CAGE1: variants seen among roughly 807,000 people sequenced by gnomAD.
CAGE1 encodes the protein cancer antigen 1.
In CAGE1, 66 loss-of-function variants were observed where a neutral mutation model predicts 94.9. That is an observed-to-expected ratio of 0.70 (90% confidence interval 0.57 to 0.85). CAGE1 has a LOEUF of 0.85. CAGE1 is among the 40% of genes least tolerant of loss of function. CAGE1 has a pLI of 0.00. For synonymous variants in CAGE1, 319 were observed against 321.0 expected (o/e 0.99, Z 0.07); for missense variants, 865 against 950.4 (o/e 0.91, Z 1.18).
intron 3 of CAGE1, among the ~76,000 whole-genome samples, chr6:7,382,598 G>A (rs2113472069): frequency 6.6e-6 from 1 of 150,402 alleles, no homozygotes. Context: ...ACCGTGCCCA[G>A]CCCTGCATTT....
chr6:7,377,944 C>A (rs1760811171), intron 4 of CAGE1, among the ~76,000 whole-genome samples: 1 of 152,112 alleles, frequency 6.6e-6, no homozygotes, highest in Non-Finnish European at 1.5e-5. Flanking sequence ...AATATTTTCA[C>A]TTTAGTAGAA....
At chr6:7,357,414 C>T (rs1759994465) in intron 9 of CAGE1, among the ~76,000 whole-genome samples, 1 of 152,198 alleles carries the variant, frequency 6.6e-6, no homozygotes, top group African/African-American at 2.4e-5. Context: ...CTTCATGACA[C>T]TTGACTGAAG....
chr6:7,345,725 A>G (rs998911082), intron 11 of CAGE1, among the ~76,000 whole-genome samples: 1 of 151,916 alleles, frequency 6.6e-6, no homozygotes, highest in Admixed American at 6.6e-5. Context: ...CAGGAAATTG[A>G]GACCATCCTG....
Position 7,368,699 on chromosome 6 carries a change from A to G in CAGE1, c.1993T>C (p.Leu665=), listed in dbSNP as rs762237360. Residue 665 remains leucine (L), a synonymous_variant, in exon 7 of 14, where the codon TTA becomes CTA. Transcript: ENST00000502583. ...AATAAATATAATACCTCTTTATCTAAAGTTTTCTTTTTAAGATGGAGGCTC... is the reference window on the plus strand; with the variant it reads ...AATAAATATAATACCTCTTTATCTAGAGTTTTCTTTTTAAGATGGAGGCTC... ...LKSLHLKKKT[L]DKELLKHKDR... The G allele has an allele frequency of 6.7e-7, 1 of 1,490,490 alleles. No individual in the cohort carries two copies. Among genetic ancestry groups the G allele is most frequent in the South Asian group, 1.3e-5 (1 of 75,664 alleles). 92.3% of individuals were successfully genotyped at this position (1,490,490 alleles called of 1,614,324 possible). A position where few individuals can be genotyped will look rare whatever the true frequency, so the allele number is the denominator to read the frequency against.
At chr6:7,373,045 A>G (rs1457097387) in intron 5 of CAGE1, 28 bp downstream of exon 5, 2 of 1,495,398 alleles carry the variant, frequency 1.3e-6, no homozygotes, top group East Asian at 2.3e-5. Flanking sequence ...GAAATTCCGC[A>G]TTAGAGATTT....
chr6:7,332,075 T>C (rs1014240717), intron 12 of CAGE1, among the ~76,000 whole-genome samples: 3 of 152,206 alleles, frequency 2.0e-5, no homozygotes, highest in African/African-American at 7.2e-5. Context: ...AATCCTTTAA[T>C]CTTCACTCAA....
At chr6:7,341,606 C>A in intron 11 of CAGE1, 1 of 836,458 alleles carries the variant, frequency 1.2e-6, no homozygotes. Flanking sequence ...TTGTCCACAG[C>A]AAGGTGGAAC....
intron 7 of CAGE1, among the ~76,000 whole-genome samples, chr6:7,367,916 A>C (rs1043608963): frequency 1.3e-5 from 2 of 152,190 alleles, no homozygotes; most frequent in Non-Finnish European, 2.9e-5. Flanking sequence ...TTTATCCTTC[A>C]ATCTGTATAC....
Position 7,358,028 on chromosome 6 carries a change from ATATATATATATATAT to A in CAGE1, c.2194-1914_2194-1900del, listed in dbSNP as rs1760025452. Among the ~76,000 whole-genome samples, 203 of 66,930 alleles carry A rather than the reference ATATATATATATATAT, an allele frequency of 3.0e-3. 6 individuals are homozygous for A. Among genetic ancestry groups the A allele is most frequent in the African/African-American group, 9.2e-3 (161 of 17,526 alleles). 43.9% of individuals were successfully genotyped at this position (66,930 alleles called of 152,430 possible). ...AGACTGCGGTTAGGTAAGTTTTGAG[ATATATATATATATAT>A]ATATATATATATATATATATATATA... is the stretch of plus-strand genomic sequence containing the variant. On this transcript the variant is annotated intron_variant, in intron 9 of 13. Transcript: ENST00000502583.
intron 9 of CAGE1, among the ~76,000 whole-genome samples, chr6:7,360,502 T>G (rs1760130432): frequency 6.6e-6 from 1 of 152,246 alleles, no homozygotes; most frequent in African/African-American, 2.4e-5. Flanking sequence ...AGGGAAAGTA[T>G]GTCAAGGTAG....
chr6:7,371,599 A>G (rs1760540869), intron 5 of CAGE1, among the ~76,000 whole-genome samples: 1 of 152,144 alleles, frequency 6.6e-6, no homozygotes, highest in African/African-American at 2.4e-5. Flanking sequence ...GCTGGCCAAC[A>G]TGGTGAAACA....
chr6:7,350,813 A>G (rs1013474919), intron 11 of CAGE1, among the ~76,000 whole-genome samples: 1 of 152,222 alleles, frequency 6.6e-6, no homozygotes, highest in Non-Finnish European at 1.5e-5. Context: ...AAAGACGGAA[A>G]GAGCACCAAC....
At chr6:7,347,220 G>T (rs956522120) in intron 11 of CAGE1, among the ~76,000 whole-genome samples, 5 of 152,064 alleles carry the variant, frequency 3.3e-5, no homozygotes, top group African/African-American at 9.7e-5. Context: ...GCCCTCTGAA[G>T]GAAGCGGACT....
chr6:7,329,517 C>G (rs988670665), intron 13 of CAGE1, among the ~76,000 whole-genome samples: 2 of 152,148 alleles, frequency 1.3e-5, no homozygotes, highest in African/African-American at 4.8e-5. Flanking sequence ...ATCACTCTGT[C>G]TACTCTATGG....
At chr6:7,327,932 A>AAATAAAT (rs1758592066) in intron 13 of CAGE1, among the ~76,000 whole-genome samples, 8 of 149,542 alleles carry the variant, frequency 5.3e-5, no homozygotes, top group African/African-American at 1.7e-4. Flanking sequence ...CTCCGTCTAA[A>AAATAAAT]AAATAAATAA....
At chr6:7,363,703 C>T (rs1245191650) in intron 9 of CAGE1, among the ~76,000 whole-genome samples, 1 of 152,174 alleles carries the variant, frequency 6.6e-6, no homozygotes, top group African/African-American at 2.4e-5. Flanking sequence ...GCTTCCTCTG[C>T]ACCATGTCAA....
intron 2 of CAGE1, among the ~76,000 whole-genome samples, chr6:7,386,481 G>A (rs768491390): frequency 6.6e-6 from 1 of 152,182 alleles, no homozygotes; most frequent in Admixed American, 6.5e-5. Context: ...GCATACTGAT[G>A]TAAGTGGAAG....
rs1561870193 is a variant in CAGE1 at position 7,387,044 on chromosome 6, CTTGAGAAAGA to C, written c.120_129del (p.Asn40LysfsTer3). The C allele has an allele frequency of 9.0e-6, 14 of 1,551,964 alleles. No homozygotes were observed. The highest frequency in any genetic ancestry group is 1.2e-5 in the Non-Finnish European group (14 of 1,147,048). ...ATTGGAGAATGTGAAAGCATTACAC[CTTGAGAAAGA>C]TTGCTGACATTCATGGTATCCGATT... On this transcript the variant is annotated frameshift_variant, in exon 2 of 14. Coordinates refer to ENST00000502583, the MANE Select transcript of CAGE1 (RefSeq NM_001170692.2). LOFTEE classifies it high-confidence loss of function.
At chr6:7,360,202 C>A (rs1045009970) in intron 9 of CAGE1, among the ~76,000 whole-genome samples, 1 of 152,182 alleles carries the variant, frequency 6.6e-6, no homozygotes, top group Admixed American at 6.5e-5. Flanking sequence ...ACCCCTGAAT[C>A]TCAAGGCCCT....
Sources: allele counts gnomAD v4.1 joint callset (sites outside exome capture counted in the v4.1 genomes callset), GRCh38; gene constraint gnomAD v4.1.1; transcripts MANE v1.5; gene names NCBI Gene and HGNC (gene_info 2026-07-23, HGNC 2026-07-21).